Variants in IL4R observed in about 807,000 individuals in gnomAD.
IL4R encodes interleukin 4 receptor.
IL4R carries 17 observed loss-of-function variants against 41.5 expected under a neutral mutation model. That is an observed-to-expected ratio of 0.41 (90% CI 0.28 to 0.61). IL4R has a LOEUF of 0.61. Among genes scored for constraint, IL4R ranks in the 20% least tolerant of loss-of-function variants. The probability of loss-of-function intolerance (pLI) is 0.31; values close to 1 mark genes in which losing one functional copy is unlikely to be tolerated. For missense variants in IL4R, 974 were observed against 1,043.1 expected (o/e 0.93, Z 0.91); for synonymous variants, 402 against 422.9 (o/e 0.95, Z 0.61).
At chr16:27,352,721 TG>T (rs1567328917) in intron 7 of IL4R, 25 bp downstream of exon 7, 1 of 1,609,248 alleles carries the variant, frequency 6.2e-7, no homozygotes. Context: ...GCCTAAGCAA[TG>T]GTAATCTCCA....
At chr16:27,315,994 G>A (rs573934141) in intron 1 of IL4R, among the ~76,000 whole-genome samples, 4 of 152,234 alleles carry the variant, frequency 2.6e-5, no homozygotes, top group South Asian at 4.1e-4. Flanking sequence ...ATACAATCCC[G>A]GTTGCAAAAT....
chr16:27,321,088 C>A (rs950106868), intron 1 of IL4R, among the ~76,000 whole-genome samples: 2 of 152,042 alleles, frequency 1.3e-5, no homozygotes, highest in African/African-American at 4.8e-5. Flanking sequence ...GGATTTCAGG[C>A]ACACACCACC....
chr16:27,345,310 C>A lies in IL4R; in HGVS notation c.361+290C>A. On this transcript the variant is annotated intron_variant, in intron 5 of 10. Coordinates refer to ENST00000395762, the MANE Select transcript of IL4R (RefSeq NM_000418.4). The surrounding 1 kb of genome is among the most constrained non-coding windows in gnomAD (Gnocchi z 4.5). ...GAGATGAGGTGTGCTTGCTGGAAGG[C>A]ATGCCTGCTGCTGATTGAAAACCGA... is the stretch of plus-strand genomic sequence containing the variant. The A allele has an allele frequency of 1.9e-6, 1 of 529,066 alleles. No individual in the cohort carries two copies. The highest frequency in any genetic ancestry group is 1.6e-5 in the South Asian group (1 of 61,370). 32.8% of individuals were successfully genotyped at this position (529,066 alleles called of 1,614,324 possible).
intron 1 of IL4R, among the ~76,000 whole-genome samples, chr16:27,325,348 G>C (rs937681946): frequency 6.6e-6 from 1 of 152,118 alleles, no homozygotes; most frequent in African/African-American, 2.4e-5. Flanking sequence ...GAGGTGGGTG[G>C]ATCACCTGAG....
At chr16:27,316,434 C>T (rs1343118335) in intron 1 of IL4R, among the ~76,000 whole-genome samples, 1 of 152,164 alleles carries the variant, frequency 6.6e-6, no homozygotes, top group African/African-American at 2.4e-5. Context: ...ATCTCCCTGC[C>T]CTCTTCCACC....
chr16:27,348,242 G>T (rs540550885), intron 6 of IL4R, among the ~76,000 whole-genome samples: 37 of 152,282 alleles, frequency 2.4e-4, no homozygotes, highest in African/African-American at 8.2e-4. Flanking sequence ...ACACAGCAGA[G>T]GCTCAGAAAG....
In IL4R at chr16:27,362,545, G is replaced by A. The variant is rs757568489; in HGVS notation, c.1193G>A (p.Gly398Glu). The A allele has an allele frequency of 6.2e-7, 1 of 1,614,202 alleles. No homozygotes were observed. The highest frequency in any genetic ancestry group is 1.7e-5 in the Admixed American group (1 of 60,030). Residue 398 changes from glycine (G) to glutamate (E), a missense_variant, in exon 11 of 11, where the codon GGA (glycine) becomes GAA (glutamate). By Grantham distance (98) the Gly-to-Glu change is moderately conservative. Transcript: ENST00000395762. ...AGCAGCAGGGATGACTTCCAGGAGG[G>A]AAGGGAGGGCATTGTGGCCCGGCTA... ...PESSRDDFQE[G>E]REGIVARLTE...
intron 8 of IL4R, among the ~76,000 whole-genome samples, 179 bp from the exon 9 acceptor site, chr16:27,358,737 G>T (rs1225920566): frequency 1.3e-5 from 2 of 152,126 alleles, no homozygotes. Context: ...TGTAGAATAG[G>T]GTTAGCAATA....
At chr16:27,319,290 C>T (rs1313027102) in intron 1 of IL4R, among the ~76,000 whole-genome samples, 1 of 152,172 alleles carries the variant, frequency 6.6e-6, no homozygotes. Context: ...GTGTAATAAC[C>T]CTACCAGATA....
At chr16:27,321,413 A>G (rs932823378) in intron 1 of IL4R, among the ~76,000 whole-genome samples, 14 of 152,360 alleles carry the variant, frequency 9.2e-5, no homozygotes, top group Admixed American at 7.2e-4. Flanking sequence ...GCCTTGGCAC[A>G]TGAGTCAACT....
rs1425373278 is a variant in IL4R at position 27,363,803 on chromosome 16, G to A, written c.2451G>A (p.Val817=). ...QTPKIVNFVS[V]GPTYMRVS is the part of the protein sequence containing the mutation. Reference sequence around the variant, plus strand: ...CCAAAATCGTGAACTTTGTCTCCGTGGGACCCACATACATGAGGGTCTCTT... The same window carrying A: ...CCAAAATCGTGAACTTTGTCTCCGTAGGACCCACATACATGAGGGTCTCTT... The change falls in exon 11 of 11, where the codon GTG becomes GTA. Residue 817 remains valine (V), a synonymous_variant. Transcript: ENST00000395762. 1 of 1,606,214 alleles carries A rather than the reference G, an allele frequency of 6.2e-7. No homozygotes were observed. The highest frequency in any genetic ancestry group is 1.3e-5 in the African/African-American group (1 of 75,070).
At chr16:27,357,892 G>GTT (rs796874774) in intron 8 of IL4R, among the ~76,000 whole-genome samples, 20 of 135,988 alleles carry the variant, frequency 1.5e-4, no homozygotes, top group Middle Eastern at 3.9e-3. Context: ...CATTTCTTTC[G>GTT]TTTTTTTTTT....
At chr16:27,317,821 A>G (rs1007078408) in intron 1 of IL4R, among the ~76,000 whole-genome samples, 34 of 152,132 alleles carry the variant, frequency 2.2e-4, no homozygotes, top group African/African-American at 7.7e-4. Flanking sequence ...CATTCATGAG[A>G]TAGTTTGTAT....
At chr16:27,328,567 T>A (rs1170634887) in intron 1 of IL4R, among the ~76,000 whole-genome samples, 1 of 152,182 alleles carries the variant, frequency 6.6e-6, no homozygotes, top group Admixed American at 6.5e-5. Flanking sequence ...AACCATTCAT[T>A]CATTTAATAT....
At position 27,352,543 on chromosome 16, in the gene IL4R, A is replaced by G; in HGVS notation, c.517A>G (p.Arg173Gly). The G allele has an allele frequency of 1.9e-6, 3 of 1,614,060 alleles. No homozygotes were observed. The highest frequency in any genetic ancestry group is 2.5e-6 in the Non-Finnish European group (3 of 1,179,974). The change falls in exon 7 of 11, where the codon AGA becomes GGA. Residue 173 changes from arginine to glycine, a missense_variant. Arg to Gly is a moderately radical substitution (Grantham distance 125). Around this residue, in one of 3 missense-constraint regions of IL4R, gnomAD observed 284 missense variants for 313.4 expected, o/e 0.91. Coordinates refer to ENST00000395762, the MANE Select transcript of IL4R (RefSeq NM_000418.4). ...IWSENDPADF[R>G]IYNVTYLEPS... Reference sequence around the variant, plus strand: ...ACATCTCCCTTTTCTCTACCAGTTCAGAATCTATAACGTGACCTACCTAGA... The same window carrying G: ...ACATCTCCCTTTTCTCTACCAGTTCGGAATCTATAACGTGACCTACCTAGA...
intron 10 of IL4R, 199 bp downstream of exon 10, chr16:27,361,014 G>A (rs1201021874): frequency 6.8e-7 from 1 of 1,463,510 alleles, no homozygotes; most frequent in Non-Finnish European, 9.0e-7. Context: ...TTTCACTGGT[G>A]TGTCAGGTAC....
At chr16:27,357,892 G>GT (rs796874774) in intron 8 of IL4R, among the ~76,000 whole-genome samples, 4,025 of 135,784 alleles carry the variant, frequency 0.03, 92 homozygotes, top group African/African-American at 0.072. Flanking sequence ...CATTTCTTTC[G>GT]TTTTTTTTTT....
intron 1 of IL4R, among the ~76,000 whole-genome samples, chr16:27,329,625 C>A (rs561494266): frequency 6.7e-6 from 1 of 149,038 alleles, no homozygotes; most frequent in African/African-American, 2.5e-5. Flanking sequence ...TGCAGTGAGC[C>A]GACATCACGC....
chr16:27,319,729 A>G (rs1462392100), intron 1 of IL4R, among the ~76,000 whole-genome samples: 1 of 152,090 alleles, frequency 6.6e-6, no homozygotes, highest in Non-Finnish European at 1.5e-5. Context: ...GCGAAGTTTT[A>G]TCTGTATTTA....
Sources: gnomAD v4.1 joint callset for allele counts (sites outside exome capture counted in the v4.1 genomes callset) on GRCh38, gnomAD v4.1.1 for gene constraint, gnomAD v4.1.1 regional missense constraint, Gnocchi (gnomAD v3.1) non-coding constraint, MANE v1.5 for transcripts, NCBI Gene and HGNC (gene_info 2026-07-23, HGNC 2026-07-21) for gene names.